WHRN: variants seen among roughly 807,000 people sequenced by gnomAD.
WHRN encodes CASK-interacting protein CIP98.
In WHRN, 41 loss-of-function variants were observed where a neutral mutation model predicts 68.3. The ratio of observed to expected loss-of-function variants is 0.60; its 90% CI spans 0.47 to 0.78. The LOEUF (loss-of-function observed/expected upper bound fraction) is 0.78, where lower values mean the gene tolerates loss of function less well. Among genes scored for constraint, WHRN ranks in the 30% least tolerant of loss-of-function variants. The pLI, the probability that WHRN is intolerant of heterozygous loss-of-function variation, is 0.00. For synonymous variants in WHRN, 560 were observed against 561.3 expected, an observed-to-expected ratio of 1.00 and a Z score of 0.03; for missense variants, 1,243 against 1,244.7, an observed-to-expected ratio of 1.00 and a Z score of 0.02.
At chr9:114,491,706 GA>G in intron 1 of WHRN, 14 of 257,672 alleles carry the variant, frequency 5.4e-5, no homozygotes, top group South Asian at 7.8e-5. Flanking sequence ...AGCAGAAGGA[GA>G]AAAAGGCAAA....
intron 3 of WHRN, among the ~76,000 whole-genome samples, chr9:114,433,344 G>A (rs562322106): frequency 1.8e-4 from 27 of 152,294 alleles, no homozygotes; most frequent in African/African-American, 5.1e-4. Flanking sequence ...GCTGGGAGAC[G>A]GGAATCCATC....
At chr9:114,455,956 G>C (rs562888695) in intron 3 of WHRN, among the ~76,000 whole-genome samples, 1 of 152,166 alleles carries the variant, frequency 6.6e-6, no homozygotes, top group South Asian at 2.1e-4. Flanking sequence ...CACAAAGCCT[G>C]TTTCATAGTG....
rs745394370 is a variant in WHRN at position 114,504,367 on chromosome 9, A to T, written c.435T>A (p.Arg145=). ...PGEVRLVSLR[R]AKAHEGLGFS... is the part of the protein sequence containing the mutation. Reference sequence around the variant, plus strand: ...AGCCCAAGCCCTCGTGGGCCTTGGCACGCCGCAAACTCACCAGGCGCACCT... The same window carrying T: ...AGCCCAAGCCCTCGTGGGCCTTGGCTCGCCGCAAACTCACCAGGCGCACCT... The change falls in exon 1 of 12, where the codon CGT becomes CGA. Residue 145 remains arginine, a synonymous_variant. Coordinates refer to ENST00000362057, the MANE Select transcript of WHRN (RefSeq NM_015404.4). 3.7e-6 allele frequency: 6 copies of T among 1,606,944 alleles called. No homozygotes were observed. The Admixed American group carries it at 5.0e-5, about 13-fold the overall frequency.
chr9:114,498,111 G>A (rs1843617546), intron 1 of WHRN, among the ~76,000 whole-genome samples: 1 of 152,126 alleles, frequency 6.6e-6, no homozygotes, highest in Non-Finnish European at 1.5e-5. Context: ...GCTGGATTAG[G>A]AGCAAGATCA....
intron 3 of WHRN, among the ~76,000 whole-genome samples, chr9:114,457,539 C>T (rs1451192580): frequency 6.6e-6 from 1 of 151,986 alleles, no homozygotes; most frequent in Non-Finnish European, 1.5e-5. Context: ...ATAGAAGGAA[C>T]ATGGGAATAG....
At chr9:114,463,968 G>A (rs1472051984) in intron 3 of WHRN, among the ~76,000 whole-genome samples, 3 of 152,116 alleles carry the variant, frequency 2.0e-5, no homozygotes, top group Non-Finnish European at 4.4e-5. Context: ...CTCACCTACT[G>A]AGCCTGTAAA....
At chr9:114,472,782 G>A (rs1008436751) in intron 2 of WHRN, among the ~76,000 whole-genome samples, 11 of 152,102 alleles carry the variant, frequency 7.2e-5, no homozygotes, top group Admixed American at 3.3e-4. Flanking sequence ...AGTAACTGAC[G>A]GTTGTTGCTG....
chr9:114,432,520 T>C (rs1837511745), intron 3 of WHRN, among the ~76,000 whole-genome samples: 1 of 152,230 alleles, frequency 6.6e-6, no homozygotes, highest in Non-Finnish European at 1.5e-5. Flanking sequence ...CTGGTGTGTG[T>C]TTCTGAGCAC....
chr9:114,424,348 T>C lies in WHRN; in HGVS notation c.1402A>G (p.Asn468Asp). Residue 468 changes from asparagine (N) to aspartate (D), a missense_variant, in exon 6 of 12, where the codon AAC (asparagine) becomes GAC (aspartate). Transcript: ENST00000362057. Reference protein sequence around the residue: ...ALVMALFKLLNTHAKFSLLSE... With the variant: ...ALVMALFKLLDTHAKFSLLSE... ...GCACGGGTCACCTTGGCGTGGGTGT[T>C]GAGCAGCTTGAACAGGGCCATGACG... 6.2e-7 allele frequency: 1 copy of C among 1,612,254 alleles called. No individual in the cohort carries two copies. Among genetic ancestry groups the C allele is most frequent in the Non-Finnish European group, 8.5e-7 (1 of 1,179,992 alleles).
chr9:114,497,311 A>T (rs1025695650), intron 1 of WHRN, among the ~76,000 whole-genome samples: 2 of 152,246 alleles, frequency 1.3e-5, no homozygotes, highest in African/African-American at 4.8e-5. Flanking sequence ...AAGCAAAGCC[A>T]CAGCCAATTT....
chr9:114,449,488 G>A (rs4979393), intron 3 of WHRN, among the ~76,000 whole-genome samples: 42,381 of 152,146 alleles, frequency 0.28, 6,154 homozygotes, highest in Admixed American at 0.36. Context: ...CTGCCTTGGC[G>A]CAATTACCAC....
chr9:114,492,876 G>A (rs969320870), intron 1 of WHRN, among the ~76,000 whole-genome samples: 2 of 152,096 alleles, frequency 1.3e-5, no homozygotes, highest in African/African-American at 4.8e-5. Flanking sequence ...ACCATGCTGG[G>A]CATGGTGGCG....
Position 114,406,822 on chromosome 9 carries a change from T to G in WHRN, c.1769A>C (p.Gln590Pro). 1.2e-6 allele frequency: 2 copies of G among 1,610,446 alleles called. No homozygotes were observed. The highest frequency in any genetic ancestry group is 8.5e-7 in the Non-Finnish European group (1 of 1,178,350). The change falls in exon 9 of 12, where the codon CAA becomes CCA. Residue 590 changes from glutamine (Q) to proline (P), a missense_variant. Coordinates refer to ENST00000362057, the MANE Select transcript of WHRN (RefSeq NM_015404.4). Reference protein sequence around the residue: ...KPLPRPPPLAQGNDLPLGQPR... With the variant: ...KPLPRPPPLAPGNDLPLGQPR... ...CTGGCCTAGTGGGAGGTCGTTGCCTTGGGCCAGAGGTGGTGGGCGAGGCAG... is the reference window on the plus strand; with the variant it reads ...CTGGCCTAGTGGGAGGTCGTTGCCTGGGGCCAGAGGTGGTGGGCGAGGCAG...
intron 3 of WHRN, among the ~76,000 whole-genome samples, chr9:114,429,081 C>T (rs10982215): frequency 0.11 from 16,153 of 152,166 alleles, 1,207 homozygotes; most frequent in East Asian, 0.3. Flanking sequence ...CAGGTGCACA[C>T]CACCACGCCC....
chr9:114,436,472 G>A (rs1301366109), intron 3 of WHRN, among the ~76,000 whole-genome samples: 1 of 152,084 alleles, frequency 6.6e-6, no homozygotes, highest in African/African-American at 2.4e-5. Context: ...GGGCAGAGGA[G>A]GTATAATGGG....
chr9:114,493,163 G>A (rs1262500120), intron 1 of WHRN, among the ~76,000 whole-genome samples: 4 of 151,736 alleles, frequency 2.6e-5, no homozygotes, highest in East Asian at 1.9e-4. Flanking sequence ...CAGCCTGGGC[G>A]ACATAGTGAG....
chr9:114,416,242 G>C (rs1312939097), intron 7 of WHRN, among the ~76,000 whole-genome samples: 3 of 152,200 alleles, frequency 2.0e-5, no homozygotes, highest in Non-Finnish European at 2.9e-5. Context: ...CTGAGGTCAA[G>C]TCCAGGGCAA....
intron 1 of WHRN, among the ~76,000 whole-genome samples, chr9:114,489,640 T>A (rs1394889601): frequency 2.6e-5 from 4 of 152,248 alleles, no homozygotes; most frequent in African/African-American, 9.6e-5. Flanking sequence ...ATTATAAATG[T>A]ATTAGTAAAT....
intron 3 of WHRN, among the ~76,000 whole-genome samples, chr9:114,430,335 T>C (rs1837304726): frequency 6.6e-6 from 1 of 152,242 alleles, no homozygotes; most frequent in Admixed American, 6.5e-5. Context: ...AATATACATA[T>C]GTCCCAAATA....
Sources: allele counts gnomAD v4.1 joint callset (sites outside exome capture counted in the v4.1 genomes callset), GRCh38; gene constraint gnomAD v4.1.1; transcripts MANE v1.5; gene names NCBI Gene and HGNC (gene_info 2026-07-23, HGNC 2026-07-21).